The following PCM1 variants were observed in gnomAD, a reference collection of about 807,000 sequenced individuals.
PCM1 encodes the protein pericentriolar material 1 protein.
Under a neutral mutation model 241.9 loss-of-function variants are expected in PCM1, and 157 were observed. The ratio of observed to expected loss-of-function variants is 0.65; its 90% confidence interval spans 0.57 to 0.74. The LOEUF (loss-of-function observed/expected upper bound fraction) is 0.74, where lower values mean the gene tolerates loss of function less well. Among genes scored for constraint, PCM1 ranks in the 30% least tolerant of loss-of-function variants. The pLI is 0.00. For missense variants in PCM1, 3,478 were observed against 2,360.1 expected, an observed-to-expected ratio of 1.47 and a Z score of -9.81; for synonymous variants, 1,085 against 784.9, an observed-to-expected ratio of 1.38 and a Z score of -6.39.
chr8:17,937,502 C>A, intron 4 of PCM1, 123 bp downstream of exon 4: 3 of 825,894 alleles, frequency 3.6e-6, no homozygotes, highest in South Asian at 3.9e-5. Context: ...AGTTTCTGTG[C>A]CTATGGAAAG....
chr8:17,975,050 C>A (rs2078249984), intron 23 of PCM1, among the ~76,000 whole-genome samples: 1 of 152,116 alleles, frequency 6.6e-6, no homozygotes, highest in African/African-American at 2.4e-5. Flanking sequence ...TGCTTTTGGG[C>A]CTCACCTTAT....
chr8:18,017,605 G>C (rs2093348134), intron 36 of PCM1, among the ~76,000 whole-genome samples: 1 of 152,196 alleles, frequency 6.6e-6, no homozygotes, highest in African/African-American at 2.4e-5. Context: ...TGTAATCCCA[G>C]CCCTTTGGGA....
chr8:18,026,299 G>A (rs2094205905), intron 38 of PCM1, among the ~76,000 whole-genome samples: 1 of 139,172 alleles, frequency 7.2e-6, no homozygotes, highest in South Asian at 2.4e-4. Flanking sequence ...CTGCCACCGA[G>A]GCTGGAGTGC....
At chr8:17,958,763 C>G (rs967997346) in intron 13 of PCM1, among the ~76,000 whole-genome samples, 8 of 152,084 alleles carry the variant, frequency 5.3e-5, no homozygotes, top group African/African-American at 1.9e-4. Flanking sequence ...GCTCTGTCAC[C>G]CAGGTTGGAG....
Position 17,960,155 on chromosome 8 carries a change from G to T in PCM1, c.2182G>T (p.Glu728Ter). 1 of 1,571,832 alleles carries T rather than the reference G, an allele frequency of 6.4e-7. No individual in the cohort carries two copies. The highest frequency in any genetic ancestry group is 1.9e-5 in the Admixed American group (1 of 51,480). ...AACACAGAAAGATACTGGAGTAAAT[G>T]AAAAGGCAAGGTATGTTAAGCTTTT... The part of the protein sequence containing the change: ...NKTQKDTGVN[E>*]KAREKFYEAK... Residue 728 changes from glutamate (E) to a stop codon, truncating the protein, a stop_gained, in exon 14 of 39, where the codon GAA (glutamate) becomes TAA (stop). Coordinates refer to ENST00000325083, the MANE Select transcript of PCM1 (RefSeq NM_006197.4). LOFTEE classifies it high-confidence loss of function.
At chr8:17,971,009 T>A (rs534729540) in intron 22 of PCM1, among the ~76,000 whole-genome samples, 5 of 152,334 alleles carry the variant, frequency 3.3e-5, no homozygotes, top group African/African-American at 1.2e-4. Context: ...GTGTTTATCA[T>A]AGCCATTCAT....
intron 36 of PCM1, among the ~76,000 whole-genome samples, chr8:18,019,777 C>T (rs891735399): frequency 6.6e-6 from 1 of 152,190 alleles, no homozygotes; most frequent in Non-Finnish European, 1.5e-5. Context: ...CACTCACCTC[C>T]TGCTATTTGG....
rs550095881 is a variant in PCM1, at chr8:17,995,309, T to C, written c.4827+1690T>C. On this transcript the variant is annotated intron_variant, in intron 29 of 38. Coordinates refer to ENST00000325083, the MANE Select transcript of PCM1 (RefSeq NM_006197.4). The stretch of plus-strand genomic sequence containing the variant: ...CTGTCTTTTCCCCACTGTATGTTCT[T>C]GGCACCTTTGTTGAAAATGAGTTTA... Among the ~76,000 whole-genome samples the C allele has an allele frequency of 3.0e-4, 46 of 151,592 alleles. No individual in the cohort carries two copies. The South Asian group carries it at 9.1e-3, about 30-fold the overall frequency.
intron 22 of PCM1, among the ~76,000 whole-genome samples, chr8:17,970,054 T>A (rs1475714468): frequency 1.3e-5 from 2 of 152,310 alleles, no homozygotes; most frequent in East Asian, 1.9e-4. Flanking sequence ...AAACTAATAT[T>A]AACTGCTAGA....
chr8:17,965,770 A>G (rs1243558707), intron 18 of PCM1, among the ~76,000 whole-genome samples: 1 of 152,220 alleles, frequency 6.6e-6, no homozygotes, highest in Non-Finnish European at 1.5e-5. Context: ...TTATATGGAC[A>G]CTGCTGTGTA....
chr8:17,992,196 T>C (rs973763063), intron 28 of PCM1, among the ~76,000 whole-genome samples: 6 of 152,258 alleles, frequency 3.9e-5, no homozygotes, highest in African/African-American at 1.4e-4. Flanking sequence ...ATTGTGCTGC[T>C]ATAAACATGC....
chr8:18,003,540 C>T (rs2090313254), intron 29 of PCM1, among the ~76,000 whole-genome samples: 1 of 152,174 alleles, frequency 6.6e-6, no homozygotes, highest in Admixed American at 6.5e-5. Context: ...AGAATTCCTT[C>T]CTCTCTTCAC....
chr8:17,962,950 ATTATT>A, intron 16 of PCM1, 146 bp from the exon 17 acceptor site: 1 of 580,376 alleles, frequency 1.7e-6, no homozygotes, highest in Non-Finnish European at 3.0e-6. Flanking sequence ...TAACTATATT[ATTATT>A]TTAACCTTCA....
chr8:17,923,924 C>T (rs1457279513), intron 1 of PCM1, among the ~76,000 whole-genome samples: 1 of 152,106 alleles, frequency 6.6e-6, no homozygotes, highest in African/African-American at 2.4e-5. Context: ...TAGGCCCCGC[C>T]AGGGAGGCTG....
intron 6 of PCM1, among the ~76,000 whole-genome samples, chr8:17,941,766 CA>C (rs1245263447): frequency 2.0e-5 from 3 of 152,128 alleles, no homozygotes; most frequent in Non-Finnish European, 4.4e-5. Context: ...GGAAAGGTGA[CA>C]GACCTCAGAA....
intron 23 of PCM1, among the ~76,000 whole-genome samples, chr8:17,973,867 A>G (rs2077719713): frequency 6.6e-6 from 1 of 152,224 alleles, no homozygotes; most frequent in South Asian, 2.1e-4. Context: ...TCCTGTAGTA[A>G]GAAAATACAC....
intron 29 of PCM1, among the ~76,000 whole-genome samples, chr8:18,000,530 CGAGA>C (rs1230269574): frequency 6.7e-6 from 1 of 149,726 alleles, no homozygotes; most frequent in East Asian, 2.0e-4. Flanking sequence ...GGTAGAGTGT[CGAGA>C]GAGAGAGAAA....
At chr8:17,972,736 C>G in intron 23 of PCM1, 49 bp downstream of exon 23, 1 of 1,152,442 alleles carries the variant, frequency 8.7e-7, no homozygotes, top group Non-Finnish European at 1.2e-6. Flanking sequence ...TTTTGGTAAT[C>G]TTACTTTGAC....
intron 24 of PCM1, chr8:17,983,207 A>C (rs2081510648): frequency 1.6e-6 from 2 of 1,272,934 alleles, no homozygotes; most frequent in Non-Finnish European, 2.1e-6. Flanking sequence ...TTTTATGTTC[A>C]TCCTTATGTC....
Sources: gnomAD v4.1 joint callset for allele counts (sites outside exome capture counted in the v4.1 genomes callset) on GRCh38, gnomAD v4.1.1 for gene constraint, MANE v1.5 for transcripts, NCBI Gene and HGNC (gene_info 2026-07-23, HGNC 2026-07-21) for gene names.